ANAPC4: variants seen among roughly 807,000 people sequenced by gnomAD.
ANAPC4 encodes anaphase promoting complex subunit 4.
ANAPC4 carries 63 observed loss-of-function variants against 119.8 expected under a neutral mutation model. The observed-to-expected ratio is 0.53, with a 90% CI of 0.43 to 0.65. The LOEUF is 0.65. Among genes scored for constraint, ANAPC4 ranks in the 30% least tolerant of loss-of-function variants. The pLI is 0.00. For synonymous variants in ANAPC4, 283 were observed against 318.6 expected (o/e 0.89, Z 1.19); for missense variants, 716 against 945.1 (o/e 0.76, Z 3.18).
In ANAPC4 at chr4:25,418,229, A is replaced by G. The variant is rs1007915071; in HGVS notation, c.2274A>G (p.Ser758=). Residue 758 remains serine, a synonymous_variant, in exon 29 of 29, where the codon TCA becomes TCG. Transcript: ENST00000315368. ...IDDEWELDES[S]DEEEEASNKP... The stretch of plus-strand genomic sequence containing the variant: ...ATGAATGGGAGCTCGATGAGTCTTC[A>G]GATGAAGAGGAGGAGGCCAGTAATA... 6.2e-7 allele frequency: 1 copy of G among 1,614,136 alleles called. No homozygotes were observed. The highest frequency in any genetic ancestry group is 1.3e-5 in the African/African-American group (1 of 75,058).
At chr4:25,383,806 G>A (rs973707970) in intron 4 of ANAPC4, among the ~76,000 whole-genome samples, 8 of 152,198 alleles carry the variant, frequency 5.3e-5, no homozygotes, top group Non-Finnish European at 8.8e-5. Context: ...GATCATCTGA[G>A]CTTTTAGTGA....
At chr4:25,418,081 A>G (rs1723979067) in intron 28 of ANAPC4, 74 bp from the exon 29 acceptor site, 2 of 1,339,010 alleles carry the variant, frequency 1.5e-6, no homozygotes, top group Middle Eastern at 2.4e-4. Context: ...TTTGATTCAG[A>G]CTTCTGATTT....
At chr4:25,408,566 C>T (rs528445454) in intron 20 of ANAPC4, among the ~76,000 whole-genome samples, 20 of 151,332 alleles carry the variant, frequency 1.3e-4, no homozygotes, top group African/African-American at 4.6e-4. Context: ...AAGATATTTC[C>T]TCTGAGTAGT....
chr4:25,409,645 C>T, intron 20 of ANAPC4, 53 bp from the exon 21 acceptor site: 9 of 1,360,526 alleles, frequency 6.6e-6, no homozygotes, highest in South Asian at 2.6e-5. Context: ...TTTCTTTTTC[C>T]ATTTTCCCTT....
intron 3 of ANAPC4, among the ~76,000 whole-genome samples, chr4:25,381,616 T>C (rs1308244934): frequency 6.6e-6 from 1 of 151,812 alleles, no homozygotes; most frequent in Non-Finnish European, 1.5e-5. Flanking sequence ...ATGGCCTTCA[T>C]TGCTTAATTT....
At chr4:25,412,566 C>T (rs1431389312) in intron 21 of ANAPC4, among the ~76,000 whole-genome samples, 2 of 151,894 alleles carry the variant, frequency 1.3e-5, no homozygotes, top group Non-Finnish European at 2.9e-5. Flanking sequence ...GAGTTCGAGA[C>T]CTGACCAACA....
chr4:25,407,192 T>G lies in ANAPC4; in HGVS notation c.1375-5T>G. 6.3e-7 allele frequency: 1 copy of G among 1,596,016 alleles called. No homozygotes were observed. The highest frequency in any genetic ancestry group is 8.5e-7 in the Non-Finnish European group (1 of 1,173,428). On this transcript the variant is annotated splice_region_variant and splice_polypyrimidine_tract_variant and intron_variant, in intron 19 of 28. Transcript: ENST00000315368. ...AAGAATTAAACTATGTTTATTTTTT[T>G]CCAGGCTCCAGACCTTTATAATCGA...
At position 25,407,254 on chromosome 4, in the gene ANAPC4, G is replaced by T; in HGVS notation, c.1431+1G>T. 1 of 1,605,306 alleles carries T rather than the reference G, an allele frequency of 6.2e-7. No homozygotes were observed. The highest frequency in any genetic ancestry group is 8.5e-7 in the Non-Finnish European group (1 of 1,177,082). ...CTTTAACGTTGAAAGAGTTGGTCAG[G>T]TATGGGCTTTGAACTCATTTTAAAA... On this transcript the variant is annotated splice_donor_variant, in intron 20 of 28. Transcript: ENST00000315368. LOFTEE classifies it high-confidence loss of function.
At chr4:25,388,661 TA>T (rs1465617348) in intron 5 of ANAPC4, 55 bp from the exon 6 acceptor site, 4 of 1,567,840 alleles carry the variant, frequency 2.6e-6, no homozygotes, top group Non-Finnish European at 3.5e-6. Flanking sequence ...TCATGCGTTT[TA>T]AAATATGTAT....
chr4:25,387,544 A>G (rs1722105914), intron 4 of ANAPC4, among the ~76,000 whole-genome samples: 1 of 152,292 alleles, frequency 6.6e-6, no homozygotes, highest in South Asian at 2.1e-4. Context: ...TGTAATTCCT[A>G]TTCCAGCCCG....
At chr4:25,381,029 T>A (rs1212781293) in intron 3 of ANAPC4, among the ~76,000 whole-genome samples, 1 of 152,224 alleles carries the variant, frequency 6.6e-6, no homozygotes, top group Non-Finnish European at 1.5e-5. Context: ...GAACTCTCCT[T>A]TTCCATGTAA....
At chr4:25,414,843 T>G in intron 25 of ANAPC4, 143 bp downstream of exon 25, 1 of 769,808 alleles carries the variant, frequency 1.3e-6, no homozygotes, top group Non-Finnish European at 1.8e-6. Context: ...TTCATGTCAT[T>G]AAAAGGGTAA....
intron 22 of ANAPC4, 180 bp from the exon 23 acceptor site, chr4:25,414,144 G>T (rs1221589456): frequency 3.8e-6 from 2 of 522,516 alleles, no homozygotes; most frequent in Non-Finnish European, 6.6e-6. Flanking sequence ...GTCCTTTTCA[G>T]CTCAGAATTT....
At chr4:25,378,125 A>G (rs1470629885) in intron 2 of ANAPC4, among the ~76,000 whole-genome samples, 2 of 152,266 alleles carry the variant, frequency 1.3e-5, no homozygotes, top group Non-Finnish European at 2.9e-5. Flanking sequence ...CAAGGAAGGC[A>G]TGCATTGGAT....
chr4:25,396,796 A>G, intron 15 of ANAPC4, 32 bp downstream of exon 15: 1 of 1,609,826 alleles, frequency 6.2e-7, no homozygotes, highest in Non-Finnish European at 8.5e-7. Context: ...GAAATACATT[A>G]AACACAGTTT....
intron 18 of ANAPC4, 48 bp from the exon 19 acceptor site, chr4:25,406,781 G>A: frequency 2.9e-6 from 4 of 1,357,264 alleles, no homozygotes; most frequent in Non-Finnish European, 4.1e-6. Context: ...CTTTTATTGA[G>A]CAGCTTTCTT....
intron 9 of ANAPC4, among the ~76,000 whole-genome samples, chr4:25,391,442 G>A (rs1427893589): frequency 1.3e-5 from 2 of 152,226 alleles, no homozygotes; most frequent in Non-Finnish European, 2.9e-5. Context: ...TTATAGGTAA[G>A]TACATGGACA....
At chr4:25,398,859 G>A (rs551693261) in intron 16 of ANAPC4, among the ~76,000 whole-genome samples, 1 of 151,660 alleles carries the variant, frequency 6.6e-6, no homozygotes, top group Non-Finnish European at 1.5e-5. Context: ...ATGAGTTTAG[G>A]GCCTTGGTAC....
At chr4:25,404,737 A>G (rs1478188767) in intron 17 of ANAPC4, among the ~76,000 whole-genome samples, 1 of 152,080 alleles carries the variant, frequency 6.6e-6, no homozygotes, top group Non-Finnish European at 1.5e-5. Flanking sequence ...TCCCCAGTAG[A>G]TACCTGTATA....
Sources: gnomAD v4.1 joint callset for allele counts (sites outside exome capture counted in the v4.1 genomes callset) on GRCh38, gnomAD v4.1.1 for gene constraint, MANE v1.5 for transcripts, NCBI Gene and HGNC (gene_info 2026-07-23, HGNC 2026-07-21) for gene names.